Variants in EEF1A1 observed in about 807,000 individuals in gnomAD.
The protein encoded by EEF1A1 is eukaryotic translation elongation factor 1 alpha 1, also known as elongation factor 1-alpha 1.
A neutral mutation model predicts 38.5 loss-of-function variants in EEF1A1; 1 was observed. That is an observed-to-expected ratio of 0.03 (90% CI 0.01 to 0.12). The LOEUF (loss-of-function observed/expected upper bound fraction) is 0.12. Ranked by LOEUF, EEF1A1 falls within the 10% of genes least tolerant of loss-of-function variation. The probability of loss-of-function intolerance (pLI) is 1.00; values close to 1 mark genes in which losing one functional copy is unlikely to be tolerated. For synonymous variants in EEF1A1, 229 were observed against 203.7 expected, an observed-to-expected ratio of 1.12 and a Z score of -1.06; for missense variants, 184 against 588.3, an observed-to-expected ratio of 0.31 and a Z score of 7.11.
At position 73,518,229 on chromosome 6, in the gene EEF1A1, G is replaced by A. The variant is rs200704078; in HGVS notation, c.1065C>T (p.Ala355=). 9.5e-4 allele frequency: 1,465 copies of A among 1,548,264 alleles called. No homozygotes were observed. Among genetic ancestry groups the A allele is most frequent in the Admixed American group, 8.0e-3 (435 of 54,330 alleles). Reference sequence around the variant, plus strand: ...GGCAATCCAATACAGGGGCATAGCCGGCGCTTATTTGGCCTGGATGGTTCA... The same window carrying A: ...GGCAATCCAATACAGGGGCATAGCCAGCGCTTATTTGGCCTGGATGGTTCA... ...IILNHPGQIS[A]GYAPVLDCHT... is the part of the protein sequence containing the mutation. The change falls in exon 7 of 8, where the codon GCC becomes GCT. Residue 355 remains alanine, a synonymous_variant. Coordinates refer to ENST00000309268, the MANE Select transcript of EEF1A1 (RefSeq NM_001402.6).
At chr6:73,519,553 C>A (rs1765600247) in intron 2 of EEF1A1, 37 bp from the exon 3 acceptor site, 1 of 1,549,022 alleles carries the variant, frequency 6.5e-7, no homozygotes, top group Non-Finnish European at 8.7e-7. Context: ...GTTACTAAAA[C>A]ACAAACTCCA....
chr6:73,519,672 T>A (rs1765602513), intron 2 of EEF1A1, among the ~76,000 whole-genome samples, 156 bp from the exon 3 acceptor site: 2 of 152,176 alleles, frequency 1.3e-5, no homozygotes, highest in African/African-American at 4.8e-5. Context: ...AAAATCAAAC[T>A]TTTATAAGTC....
chr6:73,519,275 A>AAACC lies in EEF1A1; in HGVS notation c.325-51_325-48dup, dbSNP rs1318665780. The AAACC allele has an allele frequency of 1.9e-6, 3 of 1,606,346 alleles. No individual in the cohort carries two copies. The African/African-American group carries it at 4.0e-5, about 22-fold the overall frequency. On this transcript the variant is annotated intron_variant, in intron 3 of 7. Coordinates refer to ENST00000309268, the MANE Select transcript of EEF1A1 (RefSeq NM_001402.6). ...ATCCCTGTCAACTCTCCAAATGACA[A>AAACC]AACCAGTGTACAAAGCAAGCCTTTT... is the stretch of plus-strand genomic sequence containing the variant.
intron 1 of EEF1A1, chr6:73,520,620 CGCCCGCG>C (rs968032106): frequency 1.3e-5 from 2 of 152,512 alleles, no homozygotes; most frequent in African/African-American, 4.8e-5. Context: ...GCCCCGTCGC[CGCCCGCG>C]GCCCCAAAAA....
In EEF1A1 at chr6:73,518,824, C is replaced by T; in HGVS notation, c.646G>A (p.Val216Ile). The T allele has an allele frequency of 2.5e-6, 4 of 1,613,998 alleles. No homozygotes were observed. Among genetic ancestry groups the T allele is most frequent in the Non-Finnish European group, 3.4e-6 (4 of 1,179,874 alleles). The change falls in exon 5 of 8, where the codon GTC becomes ATC. Residue 216 changes from valine (V) to isoleucine (I), a missense_variant. This residue lies in a region of EEF1A1 where 46 missense variants were observed against 73.9 expected (regional missense o/e 0.62). Transcript: ENST00000309268. ...ANMPWFKGWKVTRKDGNASGT... is the reference protein window; with the variant it reads ...ANMPWFKGWKITRKDGNASGT... ...CTGGCATTGCCATCCTTACGGGTGA[C>T]TTTCCATCCCTTGAACCAAGGCATC...
In EEF1A1 at chr6:73,518,128, T is replaced by C. The variant is rs1765566417; in HGVS notation, c.1166A>G (p.Asp389Gly). 1 of 1,610,606 alleles carries C rather than the reference T, an allele frequency of 6.2e-7. No individual in the cohort carries two copies. The highest frequency in any genetic ancestry group is 8.5e-7 in the Non-Finnish European group (1 of 1,179,152). ...IDRRSGKKLE[D>G]GPKFLKSGDA... ...ACCAGACTTCAAGAATTTAGGGCCA[T>C]CTTCCAGCTTTTTACCAGAACGGCG... The change falls in exon 7 of 8, where the codon GAT becomes GGT. Residue 389 changes from aspartate to glycine, a missense_variant. Physicochemically the swap from Asp to Gly is moderately conservative, Grantham distance 94 (BLOSUM62 -1). This residue lies in a region of EEF1A1 where 81 missense variants were observed against 286.3 expected (regional missense o/e 0.28). Transcript: ENST00000309268.
chr6:73,520,256 C>T (rs931173230), intron 1 of EEF1A1, 200 bp from the exon 2 acceptor site: 3 of 499,928 alleles, frequency 6.0e-6, no homozygotes, highest in African/African-American at 2.0e-5. Context: ...ACTCCAAAAG[C>T]TCGAGAACTA....
intron 1 of EEF1A1, 98 bp from the exon 2 acceptor site, chr6:73,520,154 A>G (rs997769522): frequency 5.2e-5 from 63 of 1,204,090 alleles, no homozygotes; most frequent in Non-Finnish European, 3.1e-5. Context: ...GAATTACATC[A>G]AGTGCCAAGC....
In EEF1A1 at chr6:73,518,534, G is replaced by A; in HGVS notation, c.849C>T (p.Val283=). 1 of 1,613,908 alleles carries A rather than the reference G, an allele frequency of 6.2e-7. No individual in the cohort carries two copies. The highest frequency in any genetic ancestry group is 8.5e-7 in the Non-Finnish European group (1 of 1,179,862). ...KPGMVVTFAP[V]NVTTEVKSVE... is the part of the protein sequence containing the mutation. Reference sequence around the variant, plus strand: ...CAGATTTTACTTCCGTTGTAACGTTGACTGGAGCAAAGGTGACCACCATAC... The same window carrying A: ...CAGATTTTACTTCCGTTGTAACGTTAACTGGAGCAAAGGTGACCACCATAC... Residue 283 remains valine, a synonymous_variant, in exon 6 of 8, where the codon GTC becomes GTT. Transcript: ENST00000309268.
chr6:73,520,139 AAGG>A (rs1385457697), intron 1 of EEF1A1, 83 bp from the exon 2 acceptor site: 58 of 1,339,212 alleles, frequency 4.3e-5, no homozygotes, highest in Non-Finnish European at 5.2e-5. Context: ...GGCAAATTCC[AAGG>A]AGAATTACAT....
intron 1 of EEF1A1, chr6:73,520,616 T>C (rs1158397892): frequency 6.6e-6 from 1 of 152,392 alleles, no homozygotes; most frequent in African/African-American, 2.4e-5. Context: ...ACGGGCCCCG[T>C]CGCCGCCCGC....
At chr6:73,520,086 C>A in intron 1 of EEF1A1, 30 bp from the exon 2 acceptor site, 1 of 1,550,836 alleles carries the variant, frequency 6.4e-7, no homozygotes, top group Non-Finnish European at 8.6e-7. Flanking sequence ...CTTTGAACCA[C>A]TGTCTGAGGC....
chr6:73,518,652 C>G (rs2150051565), intron 5 of EEF1A1, 42 bp from the exon 6 acceptor site: 2 of 1,612,946 alleles, frequency 1.2e-6, no homozygotes, highest in Non-Finnish European at 1.7e-6. Flanking sequence ...TGAAGGCAGA[C>G]AGTACTCTAT....
At chr6:73,520,706 G>A (rs1160439748) in intron 1 of EEF1A1, 1 of 152,350 alleles carries the variant, frequency 6.6e-6, no homozygotes, top group African/African-American at 2.4e-5. Context: ...AAGCGTCGCA[G>A]CAGGTCATCA....
At chr6:73,517,971 G>A (rs1442095864) in intron 7 of EEF1A1, 37 bp from the exon 8 acceptor site, 2 of 1,613,096 alleles carry the variant, frequency 1.2e-6, no homozygotes, top group African/African-American at 1.3e-5. Context: ...CCAAAGTACT[G>A]TTCAGTTGTA....
rs1765504831 is a variant in EEF1A1, at chr6:73,515,992, G to C, written c.*1818C>G. 1 of 152,098 alleles carries C rather than the reference G, an allele frequency of 6.6e-6. No individual in the cohort carries two copies. The highest frequency in any genetic ancestry group is 1.5e-5 in the Non-Finnish European group (1 of 68,034). 9.4% of individuals were successfully genotyped at this position (152,098 alleles called of 1,614,324 possible). ...TACAGGTGTCAACTTTCATTATCAG[G>C]GCATCTATTGGCCATCTATTAAAGG... is the stretch of plus-strand genomic sequence containing the variant. On this transcript the variant is annotated 3_prime_UTR_variant, in exon 8 of 8. Coordinates refer to ENST00000309268, the MANE Select transcript of EEF1A1 (RefSeq NM_001402.6).
Position 73,519,170 on chromosome 6 carries a change from G to A in EEF1A1, c.383C>T (p.Ser128Phe). The A allele has an allele frequency of 6.3e-7, 1 of 1,591,422 alleles. No homozygotes were observed. Among genetic ancestry groups the A allele is most frequent in the Non-Finnish European group, 8.5e-7 (1 of 1,174,538 alleles). ...AGVGEFEAGI[S>F]KNGQTREHAL... is the part of the protein sequence containing the mutation. ...ATGCTCTCGGGTCTGCCCATTCTTG[G>A]AGATACCAGCTTCAAATTCACCAAC... The change falls in exon 4 of 8, where the codon TCC becomes TTC. Residue 128 changes from serine (S) to phenylalanine (F), a missense_variant. Transcript: ENST00000309268.
chr6:73,520,055 A>T lies in EEF1A1; in HGVS notation c.-29T>A. 6.3e-7 allele frequency: 1 copy of T among 1,581,272 alleles called. No individual in the cohort carries two copies. ...GGCTTTTAGGGGTAGTTTTCACGAC[A>T]CCTGAAATGGAAGAAAAAAACTTTG... On this transcript the variant is annotated splice_region_variant and 5_prime_UTR_variant, in exon 2 of 8. Transcript: ENST00000309268.
In EEF1A1 at chr6:73,518,016, G is replaced by A; in HGVS notation, c.1264+14C>T. 6.2e-7 allele frequency: 1 copy of A among 1,605,654 alleles called. No homozygotes were observed. Among genetic ancestry groups the A allele is most frequent in the South Asian group, 1.1e-5 (1 of 90,314 alleles). The stretch of plus-strand genomic sequence containing the variant: ...TTTAACACAACTTTTTTACATTTAA[G>A]TAGTCATCCTTACCCAAAGGTGGAT... On this transcript the variant is annotated intron_variant, in intron 7 of 7. Coordinates refer to ENST00000309268, the MANE Select transcript of EEF1A1 (RefSeq NM_001402.6).
Sources: gnomAD v4.1 joint callset for allele counts (sites outside exome capture counted in the v4.1 genomes callset) on GRCh38, gnomAD v4.1.1 for gene constraint, gnomAD v4.1.1 regional missense constraint, MANE v1.5 for transcripts, NCBI Gene and HGNC (gene_info 2026-07-23, HGNC 2026-07-21) for gene names.